Variants in MDFIC observed in about 807,000 individuals in gnomAD.
The protein encoded by MDFIC is myoD family inhibitor domain-containing protein.
In MDFIC, 17 loss-of-function variants were observed where a neutral mutation model predicts 23.2. The ratio of observed to expected loss-of-function variants is 0.73; its 90% confidence interval spans 0.50 to 1.10. MDFIC has a LOEUF of 1.10. Ranked by LOEUF, MDFIC falls within the 50% of genes least tolerant of loss-of-function variation. MDFIC has a pLI of 0.00. For synonymous variants in MDFIC, 120 were observed against 115.2 expected, an observed-to-expected ratio of 1.04 and a Z score of -0.27; for missense variants, 356 against 316.6, an observed-to-expected ratio of 1.12 and a Z score of -0.95.
intron 2 of MDFIC, among the ~76,000 whole-genome samples, chr7:114,932,802 A>G (rs2115712986): frequency 6.6e-6 from 1 of 152,354 alleles, no homozygotes; most frequent in Admixed American, 6.5e-5. Flanking sequence ...GGGCCTTTAC[A>G]AAAATTGACA....
intron 4 of MDFIC, among the ~76,000 whole-genome samples, chr7:114,995,637 G>A (rs1426498335): frequency 6.6e-6 from 1 of 152,204 alleles, no homozygotes; most frequent in Non-Finnish European, 1.5e-5. Context: ...CTGGGTATCA[G>A]CAGTGGAGGC....
chr7:114,977,655 GACAAC>G (rs1563147285), intron 3 of MDFIC, among the ~76,000 whole-genome samples: 3 of 152,028 alleles, frequency 2.0e-5, no homozygotes, highest in Non-Finnish European at 2.9e-5. Context: ...CAGAATGCTG[GACAAC>G]ACAACACAAC....
chr7:114,928,257 T>C (rs1250544639), intron 2 of MDFIC, among the ~76,000 whole-genome samples: 1 of 151,842 alleles, frequency 6.6e-6, no homozygotes, highest in African/African-American at 2.4e-5. Context: ...AGAAGATATA[T>C]CTGTAAATTT....
At position 114,979,843 on chromosome 7, in the gene MDFIC, T is replaced by C. The variant is rs748964844; in HGVS notation, c.493+62T>C. The C allele has an allele frequency of 4.5e-6, 7 of 1,550,530 alleles. No individual in the cohort carries two copies. The East Asian group carries it at 1.6e-4, about 35-fold the overall frequency. ...ATGTAAAATAATATTTCCTGGTAAT[T>C]ATTTGATCAAGCATATATAATTGAA... On this transcript the variant is annotated intron_variant, in intron 4 of 4. Transcript: ENST00000393486.
chr7:114,961,608 T>C (rs1792993327), intron 3 of MDFIC, among the ~76,000 whole-genome samples: 1 of 152,200 alleles, frequency 6.6e-6, no homozygotes. Flanking sequence ...ATATGCATGC[T>C]GTACAGAAAG....
At chr7:114,968,315 G>T (rs1228266103) in intron 3 of MDFIC, among the ~76,000 whole-genome samples, 1 of 152,166 alleles carries the variant, frequency 6.6e-6, no homozygotes, top group Non-Finnish European at 1.5e-5. Context: ...AATCTCAGGA[G>T]AAAGCAAATG....
At chr7:115,010,977 A>G (rs13227167) in intron 4 of MDFIC, among the ~76,000 whole-genome samples, 28,917 of 152,224 alleles carry the variant, frequency 0.19, 3,388 homozygotes, top group Non-Finnish European at 0.26. Context: ...TTTTAAAAAG[A>G]AAAGGAACAC....
At chr7:114,991,767 T>G (rs1017500072) in intron 4 of MDFIC, among the ~76,000 whole-genome samples, 1 of 152,224 alleles carries the variant, frequency 6.6e-6, no homozygotes, top group East Asian at 1.9e-4. Context: ...GTAGTATAGT[T>G]TGAACTCAGG....
intron 4 of MDFIC, chr7:115,013,952 A>G (rs1169379721): frequency 3.1e-6 from 3 of 978,228 alleles, no homozygotes; most frequent in Non-Finnish European, 3.6e-6. Flanking sequence ...AACTCTCACA[A>G]CTCTGTTTTT....
chr7:114,979,510 A>G lies in MDFIC; in HGVS notation c.222A>G (p.Gln74=). The G allele has an allele frequency of 1.2e-6, 2 of 1,601,432 alleles. No homozygotes were observed. The highest frequency in any genetic ancestry group is 2.2e-5 in the East Asian group (1 of 44,594). The stretch of plus-strand genomic sequence containing the variant: ...TTTTTCCTGTTTTTAATTTAGCCCA[A>G]CCTCAGCGCTTGCCTCAGCTTCAGA... ...NPSDGELIRT[Q]PQRLPQLQTS... Residue 74 remains glutamine (Q), a synonymous_variant, in exon 4 of 5, where the codon CAA becomes CAG. Coordinates refer to ENST00000393486, the MANE Select transcript of MDFIC (RefSeq NM_001166345.3).
rs561864028 is a variant in MDFIC at position 114,955,233 on chromosome 7, A to G, written c.217+12836A>G. Among the ~76,000 whole-genome samples, 335 of 152,340 alleles carry G rather than the reference A, an allele frequency of 2.2e-3. 1 individual carries two copies. Among genetic ancestry groups the G allele is most frequent in the Non-Finnish European group, 3.7e-3 (250 of 68,034 alleles). ...AACTTTCATTAAGCAAATTTGGATG[A>G]TTGATTTTAAAAATTGAAATAAATT... On this transcript the variant is annotated intron_variant, in intron 3 of 4. Transcript: ENST00000393486.
At position 114,971,041 on chromosome 7, in the gene MDFIC, T is replaced by TA. The variant is rs1793194772; in HGVS notation, c.218-8458dup. On this transcript the variant is annotated intron_variant, in intron 3 of 4. Transcript: ENST00000393486. ...TGGCTATGGCTGTATCACCTGTAGG[T>TA]AAAAAAACAGCTTTTAATAAAGCTG... Among the ~76,000 whole-genome samples, 5 of 152,164 alleles carry TA rather than the reference T, an allele frequency of 3.3e-5. No individual in the cohort carries two copies. In the South Asian group the frequency reaches 6.2e-4, roughly 19 times the overall value.
chr7:115,014,602 T>G (rs1791756227), intron 4 of MDFIC: 2 of 1,095,720 alleles, frequency 1.8e-6, no homozygotes, highest in South Asian at 1.7e-5. Flanking sequence ...AAAACTTACA[T>G]TATACAAAGT....
chr7:114,995,101 C>T (rs1345262734), intron 4 of MDFIC, among the ~76,000 whole-genome samples: 2 of 152,172 alleles, frequency 1.3e-5, no homozygotes, highest in East Asian at 1.9e-4. Context: ...TTCATTTGAT[C>T]TTCAGTCACT....
chr7:114,953,279 T>C (rs73443224), intron 3 of MDFIC, among the ~76,000 whole-genome samples: 1,752 of 152,288 alleles, frequency 0.012, 31 homozygotes, highest in African/African-American at 0.039. Flanking sequence ...TCTTTTAAAT[T>C]TATTAAATTC....
chr7:115,003,279 T>G (rs981974759), intron 4 of MDFIC, among the ~76,000 whole-genome samples: 1 of 152,170 alleles, frequency 6.6e-6, no homozygotes, highest in Non-Finnish European at 1.5e-5. Context: ...TATGACAGTT[T>G]CAGCCACCTT....
At chr7:114,944,862 A>T (rs1792614704) in intron 3 of MDFIC, among the ~76,000 whole-genome samples, 1 of 152,228 alleles carries the variant, frequency 6.6e-6, no homozygotes. Flanking sequence ...CTCCGATTCC[A>T]GGAGTCCTGT....
intron 2 of MDFIC, among the ~76,000 whole-genome samples, chr7:114,927,214 C>A (rs1199902755): frequency 6.6e-6 from 1 of 152,076 alleles, no homozygotes; most frequent in African/African-American, 2.4e-5. Context: ...AGCCAAGAAT[C>A]TGCATTTTAA....
chr7:115,010,893 G>A (rs187124694), intron 4 of MDFIC, among the ~76,000 whole-genome samples: 2 of 152,252 alleles, frequency 1.3e-5, no homozygotes, highest in South Asian at 2.1e-4. Context: ...TCAACTTAGT[G>A]ATGACTTGTT....
Sources: gnomAD v4.1 joint callset for allele counts (sites outside exome capture counted in the v4.1 genomes callset) on GRCh38, gnomAD v4.1.1 for gene constraint, MANE v1.5 for transcripts, NCBI Gene and HGNC (gene_info 2026-07-23, HGNC 2026-07-21) for gene names.